The following DLC1 variants were observed in gnomAD, a reference collection of about 807,000 sequenced individuals.
DLC1 encodes DLC1 Rho GTPase activating protein, also known as rho GTPase-activating protein 7.
Under a neutral mutation model 140.3 loss-of-function variants are expected in DLC1, and 54 were observed. That is an observed-to-expected ratio of 0.38 (90% CI 0.31 to 0.48). The LOEUF is 0.48. Among genes scored for constraint, DLC1 ranks in the 20% least tolerant of loss-of-function variants. The pLI, the probability that DLC1 is intolerant of heterozygous loss-of-function variation, is 0.96. For missense variants in DLC1, 2,536 were observed against 1,907.0 expected, an observed-to-expected ratio of 1.33 and a Z score of -6.14; for synonymous variants, 986 against 728.1, an observed-to-expected ratio of 1.35 and a Z score of -5.70.
chr8:13,569,633 C>A (rs1804577053), intron 1 of DLC1, among the ~76,000 whole-genome samples: 1 of 152,168 alleles, frequency 6.6e-6, no homozygotes, highest in Admixed American at 6.6e-5. Flanking sequence ...TATTTTTCAA[C>A]TCAACCCCAA....
At position 13,535,669 on chromosome 8, in the gene DLC1, T is replaced by TAAAA. The variant is rs55970525; in HGVS notation, c.-125-35477_-125-35474dup. 3.5e-4 allele frequency among the ~76,000 whole-genome samples: 40 copies of TAAAA among 114,666 alleles called. 1 individual carries two copies. The highest frequency in any genetic ancestry group is 9.7e-4 in the African/African-American group (26 of 26,842). The allele number at this position is 114,666 out of a possible 152,430, so 75.2% of individuals were successfully genotyped here. On this transcript the variant is annotated intron_variant, in intron 1 of 1. Transcript: ENST00000631382. ...TGAGGGCGTGGGGATCATTGCTCATTAAAAAAAAAAAAAAAGAAAAGAAAA... is the reference window on the plus strand; with the variant it reads ...TGAGGGCGTGGGGATCATTGCTCATTAAAAAAAAAAAAAAAAAAAGAAAAGAAAA...
chr8:13,330,862 A>C (rs538693491), intron 4 of DLC1, among the ~76,000 whole-genome samples: 5 of 152,244 alleles, frequency 3.3e-5, no homozygotes, highest in Non-Finnish European at 7.3e-5. Flanking sequence ...GCTCATTTTC[A>C]TGAGCGTGGA....
At chr8:13,259,568 T>C (rs1160588143) in intron 5 of DLC1, among the ~76,000 whole-genome samples, 1 of 152,214 alleles carries the variant, frequency 6.6e-6, no homozygotes, top group Non-Finnish European at 1.5e-5. Flanking sequence ...TACAGTCTTT[T>C]ATATTTTCAC....
intron 4 of DLC1, among the ~76,000 whole-genome samples, chr8:13,328,921 A>T (rs759673564): frequency 3.3e-5 from 5 of 152,228 alleles, no homozygotes; most frequent in Non-Finnish European, 7.3e-5. Flanking sequence ...TCATCCTGCA[A>T]TGTGGAAGTC....
chr8:13,366,826 TC>T (rs1249716349), intron 4 of DLC1, among the ~76,000 whole-genome samples: 5 of 152,106 alleles, frequency 3.3e-5, no homozygotes, highest in Middle Eastern at 3.2e-3. Context: ...TGTACTTTGT[TC>T]CAGAAGCTTT....
intron 4 of DLC1, among the ~76,000 whole-genome samples, chr8:13,312,530 A>G (rs1423721262): frequency 3.3e-5 from 5 of 151,992 alleles, no homozygotes; most frequent in Non-Finnish European, 5.9e-5. Flanking sequence ...TAGTCATGAC[A>G]TATCCTTCAG....
At chr8:13,329,604 G>T (rs1833504115) in intron 4 of DLC1, among the ~76,000 whole-genome samples, 2 of 152,104 alleles carry the variant, frequency 1.3e-5, no homozygotes, top group Admixed American at 6.5e-5. Flanking sequence ...GGGGTGACTT[G>T]GTTTAGGGCT....
chr8:13,501,060 T>G (rs995926437), intron 1 of DLC1, among the ~76,000 whole-genome samples: 3 of 152,174 alleles, frequency 2.0e-5, no homozygotes, highest in African/African-American at 7.2e-5. Context: ...CCACATAACT[T>G]TAGTATGTGT....
intron 4 of DLC1, among the ~76,000 whole-genome samples, chr8:13,359,252 T>C (rs1320109005): frequency 1.3e-5 from 2 of 152,044 alleles, no homozygotes; most frequent in African/African-American, 2.4e-5. Flanking sequence ...AACTTTTTTT[T>C]CTAAGCAGTG....
intron 1 of DLC1, among the ~76,000 whole-genome samples, chr8:13,549,316 T>TA (rs1293852911): frequency 6.6e-6 from 1 of 152,166 alleles, no homozygotes. Context: ...CTTAATACTT[T>TA]AAAAAAAGTA....
intron 3 of DLC1, among the ~76,000 whole-genome samples, chr8:13,398,401 A>C (rs904720422): frequency 3.5e-4 from 53 of 152,114 alleles, no homozygotes; most frequent in Non-Finnish European, 3.5e-4. Flanking sequence ...GAGAGACTGC[A>C]CTGGCACTGC....
Position 13,122,090 on chromosome 8 carries a change from C to T in DLC1, c.1349-6433G>A, listed in dbSNP as rs75885301. On this transcript the variant is annotated intron_variant, in intron 5 of 17. Transcript: ENST00000276297. ...TGATAAGCCTCACCCCTCCCTGCCC[C>T]CAACAAATCCGTCCTCCTTCAAGGA... Among the ~76,000 whole-genome samples the T allele has an allele frequency of 3.2e-3, 485 of 152,290 alleles. 7 individuals carry two copies. Among genetic ancestry groups the T allele is most frequent in the Admixed American group, 0.023 (353 of 15,296 alleles).
At chr8:13,128,834 C>T (rs1161525143) in intron 5 of DLC1, among the ~76,000 whole-genome samples, 2 of 128,792 alleles carry the variant, frequency 1.6e-5, no homozygotes, top group Non-Finnish European at 3.3e-5. Context: ...GACTCCGTCT[C>T]AAAAAAAAAA....
chr8:13,586,974 T>C lies in DLC1; in HGVS notation c.-126+17563A>G, dbSNP rs148645045. On this transcript the variant is annotated intron_variant, in intron 1 of 1. Coordinates refer to the DLC1 transcript ENST00000631382. ...AATAATACATGGACATTGAGGACCT[T>C]TTTAAACTTAGGGTTTTATGCAATA... Among the ~76,000 whole-genome samples the C allele has an allele frequency of 4.6e-5, 7 of 152,150 alleles. No individual in the cohort carries two copies. In the East Asian group the frequency reaches 1.2e-3, roughly 25 times the overall value.
intron 6 of DLC1, among the ~76,000 whole-genome samples, chr8:13,111,116 G>A (rs1820074507): frequency 2.0e-5 from 3 of 152,170 alleles, no homozygotes; most frequent in Admixed American, 2.0e-4. Context: ...CAGGCAATGA[G>A]TCCCCAGTAG....
intron 2 of DLC1, among the ~76,000 whole-genome samples, chr8:13,496,808 T>G (rs2117189024): frequency 1.7e-5 from 2 of 118,804 alleles, no homozygotes; most frequent in East Asian, 4.8e-4. Flanking sequence ...TTTTTTTTTT[T>G]TTTTTTTTTT....
intron 5 of DLC1, among the ~76,000 whole-genome samples, chr8:13,249,493 G>A (rs186605520): frequency 2.0e-5 from 3 of 152,184 alleles, no homozygotes; most frequent in Admixed American, 6.5e-5. Flanking sequence ...CACTGCCACC[G>A]TGATCCCATT....
intron 4 of DLC1, among the ~76,000 whole-genome samples, chr8:13,376,469 C>G (rs112104597): frequency 8.4e-4 from 128 of 152,240 alleles, no homozygotes; most frequent in Admixed American, 1.8e-3. Context: ...GTAGAACCCC[C>G]TCCTCTTCTC....
At chr8:13,214,652 C>T (rs1401779265) in intron 5 of DLC1, 3 of 778,010 alleles carry the variant, frequency 3.9e-6, no homozygotes, top group Non-Finnish European at 7.2e-6. Flanking sequence ...TCTCCAGCAA[C>T]ATGGAAAAGC....
Sources: allele counts gnomAD v4.1 joint callset (sites outside exome capture counted in the v4.1 genomes callset), GRCh38; gene constraint gnomAD v4.1.1; transcripts MANE v1.5; gene names NCBI Gene and HGNC (gene_info 2026-07-23, HGNC 2026-07-21).